Variants in SEMA4D observed in about 807,000 individuals in gnomAD.
SEMA4D encodes semaphorin 4D.
SEMA4D carries 22 observed loss-of-function variants against 74.8 expected under a neutral mutation model. That is an observed-to-expected ratio of 0.29 (90% CI 0.21 to 0.42). The LOEUF is 0.42. Among genes scored for constraint, SEMA4D ranks in the 10% least tolerant of loss-of-function variants. SEMA4D has a pLI of 1.00. For missense variants in SEMA4D, 937 were observed against 1,118.4 expected (o/e 0.84, Z 2.31); for synonymous variants, 445 against 463.7 (o/e 0.96, Z 0.52).
chr9:89,367,708 C>G (rs78061813), intron 16 of SEMA4D: 4 of 152,218 alleles, frequency 2.6e-5, no homozygotes, highest in Non-Finnish European at 5.9e-5. Context: ...TGGCAGATGC[C>G]GTAGGTAATG....
intron 13 of SEMA4D, among the ~76,000 whole-genome samples, chr9:89,382,504 C>G (rs906382876): frequency 6.6e-6 from 1 of 152,100 alleles, no homozygotes; most frequent in African/African-American, 2.4e-5. Context: ...CACAGACCCA[C>G]GAGAGAAAGG....
At chr9:89,452,185 T>TTTG (rs1327519563) in intron 2 of SEMA4D, among the ~76,000 whole-genome samples, 7 of 147,446 alleles carry the variant, frequency 4.7e-5, no homozygotes, top group Admixed American at 1.3e-4. Flanking sequence ...TTTTTTTGTT[T>TTTG]TTTTTTTTTT....
At chr9:89,384,691 G>A (rs1401621913) in intron 13 of SEMA4D, 1 of 985,322 alleles carries the variant, frequency 1.0e-6, no homozygotes, top group African/African-American at 1.7e-5. Context: ...CTTGTCATCA[G>A]GGGAGAGGAG....
intron 1 of SEMA4D, among the ~76,000 whole-genome samples, chr9:89,481,788 G>A (rs1320682191): frequency 6.6e-6 from 1 of 152,208 alleles, no homozygotes; most frequent in East Asian, 1.9e-4. Flanking sequence ...CTGGGGAGTG[G>A]TGAGCAGGGG....
intron 2 of SEMA4D, among the ~76,000 whole-genome samples, chr9:89,410,611 G>T (rs1246186616): frequency 2.0e-5 from 3 of 152,206 alleles, no homozygotes; most frequent in Admixed American, 2.0e-4. Flanking sequence ...ATCCATTCAG[G>T]AGTCCCACAT....
chr9:89,399,757 G>C (rs1227213601), intron 4 of SEMA4D, among the ~76,000 whole-genome samples: 1 of 152,090 alleles, frequency 6.6e-6, no homozygotes, highest in Non-Finnish European at 1.5e-5. Context: ...CAGCACTTTG[G>C]GAGGCTGAGG....
chr9:89,478,770 C>T (rs984025621), intron 1 of SEMA4D, among the ~76,000 whole-genome samples: 3 of 147,478 alleles, frequency 2.0e-5, no homozygotes, highest in Non-Finnish European at 3.0e-5. Flanking sequence ...TCCTCCACCC[C>T]ACCCCACCCC....
At chr9:89,383,768 A>C (rs1837742811) in intron 13 of SEMA4D, among the ~76,000 whole-genome samples, 1 of 152,214 alleles carries the variant, frequency 6.6e-6, no homozygotes, top group African/African-American at 2.4e-5. Flanking sequence ...ATTTCAAGAC[A>C]AAATTTTTAA....
chr9:89,364,585 T>G (rs932447398), intron 16 of SEMA4D: 4 of 160,234 alleles, frequency 2.5e-5, no homozygotes, highest in Non-Finnish European at 5.6e-5. Context: ...CTTCCAGCCT[T>G]GAGCATGGAC....
At chr9:89,485,285 T>C (rs1825092030) in intron 1 of SEMA4D, among the ~76,000 whole-genome samples, 1 of 152,196 alleles carries the variant, frequency 6.6e-6, no homozygotes, top group African/African-American at 2.4e-5. Context: ...TTACACTAGA[T>C]TTTCAAAGAG....
intron 2 of SEMA4D, chr9:89,450,881 C>A: frequency 2.1e-6 from 1 of 477,562 alleles, no homozygotes. Flanking sequence ...CTGCCGCCAC[C>A]CCAGTTTTGC....
intron 18 of SEMA4D, among the ~76,000 whole-genome samples, chr9:89,363,218 G>GC (rs1450622585): frequency 4.6e-5 from 7 of 152,218 alleles, no homozygotes; most frequent in African/African-American, 1.4e-4. Flanking sequence ...AAGGGCTGGG[G>GC]CCAGATGCCC....
At chr9:89,465,745 G>A (rs1434907850) in intron 1 of SEMA4D, among the ~76,000 whole-genome samples, 2 of 152,224 alleles carry the variant, frequency 1.3e-5, no homozygotes, top group East Asian at 3.8e-4. Context: ...CCATTTGCAC[G>A]TCTAGGGACA....
intron 2 of SEMA4D, among the ~76,000 whole-genome samples, chr9:89,407,313 C>G (rs983951558): frequency 2.2e-5 from 3 of 134,974 alleles, no homozygotes; most frequent in Admixed American, 2.1e-4. Context: ...TCCCTCAGTC[C>G]TTCTCTTCCT....
At chr9:89,453,397 T>A (rs1053935186) in intron 2 of SEMA4D, among the ~76,000 whole-genome samples, 16 of 152,246 alleles carry the variant, frequency 1.1e-4, no homozygotes, top group Admixed American at 3.9e-4. Flanking sequence ...CACAGCATTG[T>A]ATCCTGTGGC....
chr9:89,436,066 ATCCTGCACTTCTGTTG>A (rs1279707477), intron 2 of SEMA4D, among the ~76,000 whole-genome samples: 1 of 151,900 alleles, frequency 6.6e-6, no homozygotes, highest in African/African-American at 2.4e-5. Context: ...CTCAGACAAC[ATCCTGCACTTCTGTTG>A]TCTTCAAAGC....
chr9:89,473,689 T>C (rs953055526), intron 1 of SEMA4D, among the ~76,000 whole-genome samples: 1 of 151,796 alleles, frequency 6.6e-6, no homozygotes, highest in African/African-American at 2.4e-5. Flanking sequence ...AAACCGTCTC[T>C]ACTAAAAATA....
intron 17 of SEMA4D, chr9:89,363,575 G>A (rs1833097305): frequency 1.2e-6 from 2 of 1,610,346 alleles, no homozygotes; most frequent in Non-Finnish European, 1.7e-6. Flanking sequence ...GGGCCTTTAT[G>A]GCACCCTTGA....
chr9:89,381,489 C>A lies in SEMA4D; in HGVS notation c.1447-143G>T. ...AGTAAGGAGGAGAGGTACTCAGAAC[C>A]AGAGGCAAACAAGGCAGGTCTGTGA... On this transcript the variant is annotated intron_variant, in intron 13 of 15. Transcript: ENST00000422704. The surrounding 1 kb of genome is among the most constrained non-coding windows in gnomAD (Gnocchi z 4.6). The A allele has an allele frequency of 1.3e-6, 1 of 760,890 alleles. No individual in the cohort carries two copies. Among genetic ancestry groups the A allele is most frequent in the South Asian group, 2.7e-5 (1 of 37,444 alleles). The allele number at this position is 760,890 out of a possible 1,614,324, so 47.1% of individuals were successfully genotyped here. A position where few individuals can be genotyped will look rare whatever the true frequency, so the allele number is the denominator to read the frequency against.
Sources: allele counts gnomAD v4.1 joint callset (sites outside exome capture counted in the v4.1 genomes callset), GRCh38; gene constraint gnomAD v4.1.1; non-coding constraint Gnocchi (gnomAD v3.1); transcripts MANE v1.5; gene names NCBI Gene and HGNC (gene_info 2026-07-23, HGNC 2026-07-21).